The following NCAM2 variants were observed in gnomAD, a reference collection of about 807,000 sequenced individuals.
NCAM2 encodes the protein N-CAM-2.
In NCAM2, 30 loss-of-function variants were observed where a neutral mutation model predicts 98.1. The observed-to-expected ratio is 0.31, with a 90% CI of 0.23 to 0.41. The LOEUF is 0.41. NCAM2 is among the 10% of genes least tolerant of loss of function. NCAM2 has a pLI of 1.00. For synonymous variants in NCAM2, 368 were observed against 342.4 expected (o/e 1.07, Z -0.83); for missense variants, 867 against 1,005.8 (o/e 0.86, Z 1.87).
intron 1 of NCAM2, among the ~76,000 whole-genome samples, chr21:21,224,711 A>G (rs1396981208): frequency 6.6e-6 from 1 of 152,144 alleles, no homozygotes; most frequent in East Asian, 1.9e-4. Flanking sequence ...GAACCTGAAC[A>G]GATGCCCTTA....
chr21:21,075,034 G>T (rs113616115), intron 1 of NCAM2, among the ~76,000 whole-genome samples: 123 of 152,262 alleles, frequency 8.1e-4, no homozygotes, highest in Middle Eastern at 3.4e-3. Flanking sequence ...CATGTCCTTT[G>T]CAGGGACATA....
intron 1 of NCAM2, among the ~76,000 whole-genome samples, chr21:21,084,669 G>C (rs2065873659): frequency 6.6e-6 from 1 of 152,052 alleles, no homozygotes; most frequent in Non-Finnish European, 1.5e-5. Context: ...CATATATATG[G>C]ATTAAGAAAG....
chr21:21,021,516 C>A (rs904631936), intron 1 of NCAM2, among the ~76,000 whole-genome samples: 3 of 152,086 alleles, frequency 2.0e-5, no homozygotes, highest in Non-Finnish European at 4.4e-5. Context: ...GAAATAGAAA[C>A]AAACAGTAGG....
chr21:21,238,742 G>T (rs1459808570), intron 1 of NCAM2, among the ~76,000 whole-genome samples: 1 of 152,000 alleles, frequency 6.6e-6, no homozygotes, highest in Admixed American at 6.6e-5. Flanking sequence ...ATATTAGGGC[G>T]ATTTTCTTTC....
chr21:21,184,562 AGC>A (rs1003843188), intron 1 of NCAM2, among the ~76,000 whole-genome samples: 5 of 152,118 alleles, frequency 3.3e-5, no homozygotes, highest in African/African-American at 1.2e-4. Flanking sequence ...CATATTGTTA[AGC>A]TCTCCAGGTG....
In NCAM2 at chr21:21,418,461, T is replaced by C; in HGVS notation, c.1384-12T>C. 2 of 1,575,410 alleles carry C rather than the reference T, an allele frequency of 1.3e-6. No homozygotes were observed. The highest frequency in any genetic ancestry group is 1.7e-6 in the Non-Finnish European group (2 of 1,145,978). ...TTTAGAATTGTAACATTTGTTATTA[T>C]AATTATTTCAGATTGCACCTACATC... is the stretch of plus-strand genomic sequence containing the variant. On this transcript the variant is annotated splice_polypyrimidine_tract_variant and intron_variant, in intron 10 of 17. Coordinates refer to ENST00000400546, the MANE Select transcript of NCAM2 (RefSeq NM_004540.5).
intron 1 of NCAM2, among the ~76,000 whole-genome samples, chr21:21,170,137 A>G (rs1191180515): frequency 6.6e-6 from 1 of 152,204 alleles, no homozygotes; most frequent in East Asian, 1.9e-4. Context: ...CAAGATGAAC[A>G]TTCATTCATT....
At chr21:21,367,886 CCTAA>C (rs2075825048) in intron 8 of NCAM2, among the ~76,000 whole-genome samples, 1 of 151,824 alleles carries the variant, frequency 6.6e-6, no homozygotes, top group Admixed American at 6.6e-5. Flanking sequence ...AATTTATGGT[CCTAA>C]CTATTATATT....
chr21:21,500,866 T>C (rs1987584282), intron 15 of NCAM2, among the ~76,000 whole-genome samples: 1 of 152,092 alleles, frequency 6.6e-6, no homozygotes, highest in Non-Finnish European at 1.5e-5. Flanking sequence ...AGTACTATTT[T>C]ATTTCGTGAC....
chr21:21,309,203 C>T (rs2073969667), intron 5 of NCAM2, among the ~76,000 whole-genome samples: 3 of 152,008 alleles, frequency 2.0e-5, no homozygotes, highest in Non-Finnish European at 4.4e-5. Context: ...TCTTATATTT[C>T]CTGCTTCTTT....
At chr21:21,501,104 T>C (rs112769845) in intron 15 of NCAM2, among the ~76,000 whole-genome samples, 20 of 152,182 alleles carry the variant, frequency 1.3e-4, no homozygotes, top group African/African-American at 4.8e-4. Flanking sequence ...TTTTACTCTT[T>C]GTATATTCAA....
intron 16 of NCAM2, among the ~76,000 whole-genome samples, chr21:21,514,401 C>T (rs920915903): frequency 2.1e-5 from 3 of 144,362 alleles, no homozygotes; most frequent in South Asian, 2.1e-4. Flanking sequence ...ACTTGAACCT[C>T]GGAAGTGGAA....
At chr21:21,192,482 T>A (rs1303506670) in intron 1 of NCAM2, among the ~76,000 whole-genome samples, 3 of 152,176 alleles carry the variant, frequency 2.0e-5, no homozygotes, top group Non-Finnish European at 2.9e-5. Context: ...AGCCTGTTGG[T>A]TGCAATGGTG....
chr21:21,433,535 C>G (rs1299285284), intron 12 of NCAM2, among the ~76,000 whole-genome samples: 1 of 150,960 alleles, frequency 6.6e-6, no homozygotes, highest in Non-Finnish European at 1.5e-5. Context: ...GTCAGGAGAC[C>G]GAGACCATCC....
intron 8 of NCAM2, among the ~76,000 whole-genome samples, chr21:21,354,044 C>A (rs2075407719): frequency 6.6e-6 from 1 of 150,822 alleles, no homozygotes; most frequent in Non-Finnish European, 1.5e-5. Flanking sequence ...AGAATTCTTA[C>A]AAAATGATAA....
intron 1 of NCAM2, among the ~76,000 whole-genome samples, chr21:21,005,471 T>TTA (rs1391210373): frequency 6.6e-6 from 1 of 152,164 alleles, no homozygotes. Context: ...ATTTTTAAAA[T>TTA]TATATATCAA....
intron 2 of NCAM2, among the ~76,000 whole-genome samples, chr21:21,283,349 T>C (rs1158410093): frequency 6.6e-6 from 1 of 151,958 alleles, no homozygotes. Flanking sequence ...GCTGCTTCCA[T>C]AAATGATATC....
At chr21:21,418,379 A>G in intron 10 of NCAM2, 94 bp from the exon 11 acceptor site, 1 of 868,802 alleles carries the variant, frequency 1.2e-6, no homozygotes, top group Non-Finnish European at 1.9e-6. Context: ...TGGGTAAAAA[A>G]TGAAATGTGT....
intron 15 of NCAM2, among the ~76,000 whole-genome samples, chr21:21,493,451 A>C (rs1439780692): frequency 6.6e-6 from 1 of 151,916 alleles, no homozygotes; most frequent in African/African-American, 2.4e-5. Flanking sequence ...GAGGGCTCCC[A>C]TATACCATCT....
Sources: gnomAD v4.1 joint callset for allele counts (sites outside exome capture counted in the v4.1 genomes callset) on GRCh38, gnomAD v4.1.1 for gene constraint, MANE v1.5 for transcripts, NCBI Gene and HGNC (gene_info 2026-07-23, HGNC 2026-07-21) for gene names.